The following CNTNAP2 variants were observed in gnomAD, a reference collection of about 807,000 sequenced individuals.
CNTNAP2 encodes contactin associated protein 2.
A neutral mutation model predicts 155.2 loss-of-function variants in CNTNAP2; 98 were observed. That is an observed-to-expected ratio of 0.63 (90% CI 0.54 to 0.75). CNTNAP2 has a LOEUF of 0.75. CNTNAP2 is among the 30% of genes least tolerant of loss of function. The pLI is 0.00. For synonymous variants in CNTNAP2, 651 were observed against 631.2 expected (o/e 1.03, Z -0.47); for missense variants, 1,727 against 1,688.1 (o/e 1.02, Z -0.40).
At chr7:148,100,832 T>C (rs1342336023) in intron 15 of CNTNAP2, among the ~76,000 whole-genome samples, 1 of 152,098 alleles carries the variant, frequency 6.6e-6, no homozygotes, top group Non-Finnish European at 1.5e-5. Context: ...CATGCACACG[T>C]ATGTTTATAG....
rs562920543 is a variant in CNTNAP2, at chr7:148,063,123, T to C, written c.2384-54995T>C. On this transcript the variant is annotated intron_variant, in intron 15 of 23. Coordinates refer to ENST00000361727, the MANE Select transcript of CNTNAP2 (RefSeq NM_014141.6). The stretch of plus-strand genomic sequence containing the variant: ...GATATTGTCACTGGGTATCGAGTTC[T>C]AGGTTGACAGTTCATTATTTTTTTC... 4.3e-4 allele frequency among the ~76,000 whole-genome samples: 66 copies of C among 152,194 alleles called. No homozygotes were observed. In the Middle Eastern group the frequency reaches 0.01, roughly 24 times the overall value.
chr7:146,297,175 T>C (rs7796924), intron 1 of CNTNAP2, among the ~76,000 whole-genome samples: 21,467 of 152,088 alleles, frequency 0.14, 3,918 homozygotes, highest in African/African-American at 0.42. Flanking sequence ...TCCCAATACT[T>C]ATAGATGATA....
At chr7:146,300,405 T>G (rs1469179849) in intron 1 of CNTNAP2, among the ~76,000 whole-genome samples, 1 of 151,662 alleles carries the variant, frequency 6.6e-6, no homozygotes, top group Non-Finnish European at 1.5e-5. Context: ...CTTGGATAAA[T>G]GATTGGCCCT....
intron 22 of CNTNAP2, among the ~76,000 whole-genome samples, chr7:148,405,603 ATTTTTTTTTTT>A (rs535094195): frequency 1.9e-4 from 7 of 36,830 alleles, no homozygotes; most frequent in Admixed American, 4.6e-4. Flanking sequence ...TGCACAGCTA[ATTTTTTTTTTT>A]TTTTTTTTTT....
chr7:146,125,096 G>T (rs977249061), intron 1 of CNTNAP2, among the ~76,000 whole-genome samples: 2 of 152,160 alleles, frequency 1.3e-5, no homozygotes, highest in Non-Finnish European at 2.9e-5. Context: ...TAGTAGAAGA[G>T]ATTTTCAATG....
At chr7:148,050,084 C>T (rs1225541623) in intron 15 of CNTNAP2, among the ~76,000 whole-genome samples, 1 of 152,164 alleles carries the variant, frequency 6.6e-6, no homozygotes, top group Non-Finnish European at 1.5e-5. Flanking sequence ...ATCACTTGAG[C>T]CCGGGAGGCA....
At chr7:146,163,877 G>T (rs1303072341) in intron 1 of CNTNAP2, among the ~76,000 whole-genome samples, 1 of 152,104 alleles carries the variant, frequency 6.6e-6, no homozygotes, top group Admixed American at 6.6e-5. Flanking sequence ...TTGGCGTTTG[G>T]TTGAGTTTAG....
intron 9 of CNTNAP2, among the ~76,000 whole-genome samples, chr7:147,384,207 C>A (rs1796590854): frequency 6.6e-6 from 1 of 152,068 alleles, no homozygotes; most frequent in Non-Finnish European, 1.5e-5. Context: ...AGCAAAGTAG[C>A]CACACAATAA....
chr7:148,240,336 C>A (rs1247184503), intron 20 of CNTNAP2, among the ~76,000 whole-genome samples: 1 of 152,092 alleles, frequency 6.6e-6, no homozygotes, highest in Non-Finnish European at 1.5e-5. Flanking sequence ...ATAATAGAAA[C>A]CTGTTCCACC....
At chr7:148,010,634 G>C (rs926599315) in intron 15 of CNTNAP2, among the ~76,000 whole-genome samples, 18 of 148,870 alleles carry the variant, frequency 1.2e-4, no homozygotes, top group Non-Finnish European at 2.5e-4. Flanking sequence ...CCACTGAACT[G>C]TAAAGCCACC....
intron 1 of CNTNAP2, among the ~76,000 whole-genome samples, chr7:146,564,871 C>A (rs1279833199): frequency 6.6e-6 from 1 of 151,726 alleles, no homozygotes; most frequent in Non-Finnish European, 1.5e-5. Flanking sequence ...CCTAAGAACC[C>A]CATAAGCAAA....
chr7:147,438,171 A>G (rs529791201), intron 10 of CNTNAP2, among the ~76,000 whole-genome samples: 8 of 152,148 alleles, frequency 5.3e-5, no homozygotes, highest in African/African-American at 1.7e-4. Flanking sequence ...GGTGAAAATG[A>G]GCAACTTCGT....
intron 3 of CNTNAP2, among the ~76,000 whole-genome samples, chr7:146,853,932 T>C (rs1380178488): frequency 1.3e-5 from 2 of 152,206 alleles, no homozygotes; most frequent in Non-Finnish European, 2.9e-5. Flanking sequence ...TACTTAATAA[T>C]ATTGAGAAAT....
intron 13 of CNTNAP2, among the ~76,000 whole-genome samples, chr7:147,817,560 C>T (rs1468699651): frequency 1.3e-5 from 2 of 151,604 alleles, no homozygotes; most frequent in Non-Finnish European, 2.9e-5. Context: ...AACTTATTCA[C>T]GTAATTAAAT....
At chr7:148,363,226 G>A (rs151080167) in intron 21 of CNTNAP2, among the ~76,000 whole-genome samples, 175 of 152,228 alleles carry the variant, frequency 1.1e-3, no homozygotes, top group African/African-American at 3.9e-3. Flanking sequence ...CATGTGATCC[G>A]CCTGCCTCGG....
chr7:146,721,889 A>ATATATATATATATATATATTTTTTTTTT, intron 1 of CNTNAP2, among the ~76,000 whole-genome samples: 1 of 69,708 alleles, frequency 1.4e-5, no homozygotes, highest in African/African-American at 1.9e-4. Flanking sequence ...ATATATATAT[A>ATATATATATATATATATATTTTTTTTTT]TTTTTTTTTT....
intron 1 of CNTNAP2, among the ~76,000 whole-genome samples, chr7:146,728,087 G>A (rs1031752285): frequency 1.3e-5 from 2 of 152,114 alleles, no homozygotes; most frequent in African/African-American, 4.8e-5. Flanking sequence ...CTGAGGAGGC[G>A]GGCACCCAAC....
chr7:147,347,002 T>C (rs10281236), intron 9 of CNTNAP2, among the ~76,000 whole-genome samples: 87,318 of 151,814 alleles, frequency 0.58, 25,362 homozygotes, highest in East Asian at 0.68. Context: ...ACACTAGTCA[T>C]TGAGGATATA....
chr7:146,886,897 A>G (rs889783371), intron 3 of CNTNAP2, among the ~76,000 whole-genome samples: 1 of 151,648 alleles, frequency 6.6e-6, no homozygotes, highest in Non-Finnish European at 1.5e-5. Context: ...TTCTTGCTGG[A>G]AAACTTTTGC....
Sources: allele counts gnomAD v4.1 joint callset (sites outside exome capture counted in the v4.1 genomes callset), GRCh38; gene constraint gnomAD v4.1.1; transcripts MANE v1.5; gene names NCBI Gene and HGNC (gene_info 2026-07-23, HGNC 2026-07-21).